Variants in AGBL1 observed in about 807,000 individuals in gnomAD.
The protein encoded by AGBL1 is cytosolic carboxypeptidase 4.
A neutral mutation model predicts 118.9 loss-of-function variants in AGBL1; 130 were observed. That is an observed-to-expected ratio of 1.09 (90% CI 0.95 to 1.26). AGBL1 has a LOEUF of 1.26. AGBL1 is among the 50% of genes most tolerant of loss of function. The pLI, the probability that AGBL1 is intolerant of heterozygous loss-of-function variation, is 0.00. For synonymous variants in AGBL1, 555 were observed against 478.9 expected, an observed-to-expected ratio of 1.16 and a Z score of -2.08; for missense variants, 1,584 against 1,298.1, an observed-to-expected ratio of 1.22 and a Z score of -3.38.
chr15:86,572,521 G>T (rs773513232), intron 21 of AGBL1, among the ~76,000 whole-genome samples: 1 of 152,222 alleles, frequency 6.6e-6, no homozygotes, highest in Non-Finnish European at 1.5e-5. Context: ...CCAGAGGCAG[G>T]CTCTGGAGAC....
intron 22 of AGBL1, among the ~76,000 whole-genome samples, chr15:86,685,895 C>T (rs889061908): frequency 2.6e-5 from 4 of 152,232 alleles, no homozygotes; most frequent in Admixed American, 1.3e-4. Flanking sequence ...ATATAAATCA[C>T]TGTTCTTTAC....
intron 22 of AGBL1, among the ~76,000 whole-genome samples, chr15:86,846,623 C>T (rs2079322994): frequency 6.6e-6 from 1 of 152,120 alleles, no homozygotes; most frequent in South Asian, 2.1e-4. Flanking sequence ...CCTCTGCCTC[C>T]CGGGTTCAAG....
At chr15:86,139,378 C>T (rs1046604532) in intron 1 of AGBL1, among the ~76,000 whole-genome samples, 3 of 152,170 alleles carry the variant, frequency 2.0e-5, no homozygotes, top group African/African-American at 7.2e-5. Context: ...TAGGATTTGG[C>T]ACCACCCCGG....
chr15:86,558,037 C>G (rs1163989394), intron 21 of AGBL1, among the ~76,000 whole-genome samples: 1 of 152,010 alleles, frequency 6.6e-6, no homozygotes, highest in Non-Finnish European at 1.5e-5. Context: ...TCTCTTAGAC[C>G]TGCCACTAGA....
At chr15:86,962,343 A>G (rs762147270) in intron 23 of AGBL1, among the ~76,000 whole-genome samples, 3 of 152,078 alleles carry the variant, frequency 2.0e-5, no homozygotes, top group Non-Finnish European at 4.4e-5. Flanking sequence ...AGCATTTCCA[A>G]ATGATTCTCC....
intron 21 of AGBL1, among the ~76,000 whole-genome samples, chr15:86,569,211 A>T (rs1002579222): frequency 6.6e-6 from 1 of 152,174 alleles, no homozygotes; most frequent in Non-Finnish European, 1.5e-5. Context: ...GTGGGAGAAT[A>T]GCCTGAGTCC....
At chr15:86,145,290 T>C (rs1446475931) in intron 3 of AGBL1, among the ~76,000 whole-genome samples, 2 of 152,338 alleles carry the variant, frequency 1.3e-5, no homozygotes, top group African/African-American at 2.4e-5. Context: ...GAAGGGAAGA[T>C]GGAAGAAGGG....
chr15:86,299,772 G>A (rs2079716701), intron 17 of AGBL1: 4 of 152,048 alleles, frequency 2.6e-5, no homozygotes, highest in Admixed American at 2.6e-4. Flanking sequence ...GATTTGAGAA[G>A]TTTTCTATCT....
chr15:86,643,294 T>C (rs1034484448), intron 21 of AGBL1, among the ~76,000 whole-genome samples: 1 of 152,210 alleles, frequency 6.6e-6, no homozygotes, highest in Non-Finnish European at 1.5e-5. Context: ...AGGTTTCATA[T>C]GTTTTATGAA....
chr15:86,891,829 T>C (rs180919243), intron 22 of AGBL1, among the ~76,000 whole-genome samples: 32 of 152,278 alleles, frequency 2.1e-4, no homozygotes, highest in Non-Finnish European at 3.2e-4. Flanking sequence ...ATTTTAACAC[T>C]GAATAAGTTT....
intron 18 of AGBL1, among the ~76,000 whole-genome samples, chr15:86,514,746 T>G (rs562093897): frequency 6.6e-6 from 1 of 152,278 alleles, no homozygotes; most frequent in East Asian, 1.9e-4. Context: ...CCCATGTCCA[T>G]TAGGCCATCA....
chr15:87,028,923 C>T, exon 25 of AGBL1: 2 of 1,452,986 alleles, frequency 1.4e-6, no homozygotes, highest in Non-Finnish European at 1.9e-6. Context: ...ATATCTGAAA[C>T]CTTCAAGATG....
intron 24 of AGBL1, among the ~76,000 whole-genome samples, chr15:87,004,013 GA>G (rs1376136141): frequency 6.6e-6 from 1 of 152,078 alleles, no homozygotes; most frequent in Non-Finnish European, 1.5e-5. Context: ...GCTAGCTTTT[GA>G]ATGTGTTTGC....
At chr15:86,333,051 G>A (rs1213239303) in intron 17 of AGBL1, among the ~76,000 whole-genome samples, 1 of 152,130 alleles carries the variant, frequency 6.6e-6, no homozygotes, top group Non-Finnish European at 1.5e-5. Flanking sequence ...GGATTAAGAA[G>A]AAAGTTTATA....
chr15:86,376,123 A>C (rs1436144931), intron 17 of AGBL1, among the ~76,000 whole-genome samples: 1 of 152,222 alleles, frequency 6.6e-6, no homozygotes, highest in East Asian at 1.9e-4. Context: ...TATGTGTTTT[A>C]AGCCTTCCTG....
chr15:86,991,129 A>G (rs1596715197), intron 24 of AGBL1, among the ~76,000 whole-genome samples: 3 of 152,312 alleles, frequency 2.0e-5, no homozygotes, highest in East Asian at 3.9e-4. Context: ...AAAGAAGTAG[A>G]GTGTCTAGGA....
intron 21 of AGBL1, among the ~76,000 whole-genome samples, chr15:86,592,027 C>A (rs1011014402): frequency 6.6e-6 from 1 of 152,086 alleles, no homozygotes; most frequent in African/African-American, 2.4e-5. Context: ...TATCACAATA[C>A]CACAGAAGTA....
chr15:86,179,279 G>C, intron 5 of AGBL1, among the ~76,000 whole-genome samples: 1 of 152,284 alleles, frequency 6.6e-6, no homozygotes, highest in Non-Finnish European at 1.5e-5. Context: ...GTATGGTGTT[G>C]ACACCAATAT....
chr15:86,331,772 C>T (rs2080273160), intron 17 of AGBL1, among the ~76,000 whole-genome samples: 1 of 152,160 alleles, frequency 6.6e-6, no homozygotes, highest in Non-Finnish European at 1.5e-5. Context: ...ATCACCAGAC[C>T]AGACTTACAA....
Sources: gnomAD v4.1 joint callset for allele counts (sites outside exome capture counted in the v4.1 genomes callset) on GRCh38, gnomAD v4.1.1 for gene constraint, MANE v1.5 for transcripts, NCBI Gene and HGNC (gene_info 2026-07-23, HGNC 2026-07-21) for gene names.